Variants in ATXN7L1 observed in about 807,000 individuals in gnomAD.
ATXN7L1 encodes the protein ataxin-7-like protein 1.
In ATXN7L1, 15 loss-of-function variants were observed where a neutral mutation model predicts 70.8. The ratio of observed to expected loss-of-function variants is 0.21; its 90% CI spans 0.14 to 0.33. The LOEUF (loss-of-function observed/expected upper bound fraction) is 0.33, where lower values mean the gene tolerates loss of function less well. Ranked by LOEUF, ATXN7L1 falls within the 10% of genes least tolerant of loss-of-function variation. The pLI is 1.00. For missense variants in ATXN7L1, 975 were observed against 1,097.1 expected (o/e 0.89, Z 1.57); for synonymous variants, 440 against 445.1 (o/e 0.99, Z 0.14).
At chr7:105,795,670 A>G (rs1805883711) in intron 2 of ATXN7L1, among the ~76,000 whole-genome samples, 1 of 152,198 alleles carries the variant, frequency 6.6e-6, no homozygotes, top group African/African-American at 2.4e-5. Context: ...TGTACAGAGA[A>G]GCTGCAAGAA....
chr7:105,806,089 G>A (rs1048551881), intron 2 of ATXN7L1, among the ~76,000 whole-genome samples: 4 of 152,108 alleles, frequency 2.6e-5, no homozygotes, highest in African/African-American at 9.7e-5. Context: ...TGTGGGAAAT[G>A]ACTTAGAGCT....
At chr7:105,790,252 G>A (rs541740098) in intron 2 of ATXN7L1, among the ~76,000 whole-genome samples, 3 of 152,276 alleles carry the variant, frequency 2.0e-5, no homozygotes, top group Admixed American at 2.0e-4. Flanking sequence ...ATAACTCTGA[G>A]AACAGACTAA....
intron 3 of ATXN7L1, among the ~76,000 whole-genome samples, chr7:105,697,448 C>T (rs1023692687): frequency 3.3e-5 from 5 of 152,216 alleles, no homozygotes; most frequent in Non-Finnish European, 4.4e-5. Context: ...CTGTTCCGCC[C>T]GGCTCACCTG....
At chr7:105,845,485 G>GTTT (rs199502978) in intron 2 of ATXN7L1, among the ~76,000 whole-genome samples, 21,570 of 150,132 alleles carry the variant, frequency 0.14, 1,682 homozygotes, top group Middle Eastern at 0.22. Context: ...CTGATCTACA[G>GTTT]ATTCAACGTA....
At chr7:105,807,740 G>A (rs891150353) in intron 2 of ATXN7L1, among the ~76,000 whole-genome samples, 1 of 152,234 alleles carries the variant, frequency 6.6e-6, no homozygotes, top group Non-Finnish European at 1.5e-5. Flanking sequence ...CAGGTGAGCT[G>A]TTCCTGCCCA....
intron 4 of ATXN7L1, among the ~76,000 whole-genome samples, chr7:105,655,871 C>G (rs983565791): frequency 1.3e-5 from 2 of 152,176 alleles, no homozygotes; most frequent in African/African-American, 4.8e-5. Flanking sequence ...AGCCCTCCCC[C>G]ACCTGCTGCA....
At position 105,841,103 on chromosome 7, in the gene ATXN7L1, C is replaced by T. The variant is rs1346678302; in HGVS notation, c.250+34709G>A. Among the ~76,000 whole-genome samples, 5 of 152,306 alleles carry T rather than the reference C, an allele frequency of 3.3e-5. No homozygotes were observed. In the South Asian group the frequency reaches 8.3e-4, roughly 25 times the overall value. The stretch of plus-strand genomic sequence containing the variant: ...GACAGGAGCAACACTGAGCTTTGTG[C>T]GTGCTGCACAGTGTTTTTGTTTATA... On this transcript the variant is annotated intron_variant, in intron 2 of 11. Coordinates refer to ENST00000419735, the MANE Select transcript of ATXN7L1 (RefSeq NM_020725.2).
intron 7 of ATXN7L1, among the ~76,000 whole-genome samples, chr7:105,628,154 T>C (rs1721480): frequency 0.61 from 92,234 of 151,920 alleles, 29,552 homozygotes; most frequent in Non-Finnish European, 0.71. Context: ...GTCTTTACTT[T>C]TAAAAGATGC....
intron 3 of ATXN7L1, among the ~76,000 whole-genome samples, chr7:105,720,003 T>A (rs954594772): frequency 6.6e-6 from 1 of 152,200 alleles, no homozygotes; most frequent in Non-Finnish European, 1.5e-5. Context: ...TTTAAACGTC[T>A]CTGGCCCCTT....
At chr7:105,727,746 G>GTGTATATC (rs1333693053) in intron 3 of ATXN7L1, among the ~76,000 whole-genome samples, 1 of 55,356 alleles carries the variant, frequency 1.8e-5, no homozygotes, top group African/African-American at 9.8e-5. Context: ...GTGTATGTGT[G>GTGTATATC]TATATATATA....
At chr7:105,641,524 C>T (rs919220470) in intron 5 of ATXN7L1, among the ~76,000 whole-genome samples, 1 of 152,210 alleles carries the variant, frequency 6.6e-6, no homozygotes, top group Non-Finnish European at 1.5e-5. Context: ...GCAAAAAAAT[C>T]CCCAGACAAC....
At chr7:105,768,955 GCCTTTTCCCCCC>G (rs1408504975) in intron 3 of ATXN7L1, among the ~76,000 whole-genome samples, 3 of 152,186 alleles carry the variant, frequency 2.0e-5, no homozygotes, top group African/African-American at 4.8e-5. Flanking sequence ...TGCTCTGTAA[GCCTTTTCCCCCC>G]CTGGGGTCTC....
chr7:105,754,508 G>T (rs1480691766), intron 3 of ATXN7L1, among the ~76,000 whole-genome samples: 1 of 151,978 alleles, frequency 6.6e-6, no homozygotes. Flanking sequence ...GTAGTACAGT[G>T]GTGAGCGTAG....
At chr7:105,814,494 A>T (rs1211728009) in intron 2 of ATXN7L1, among the ~76,000 whole-genome samples, 1 of 152,122 alleles carries the variant, frequency 6.6e-6, no homozygotes, top group Non-Finnish European at 1.5e-5. Context: ...GCCCATATAC[A>T]TTAGCATAAA....
intron 2 of ATXN7L1, among the ~76,000 whole-genome samples, chr7:105,821,212 T>C (rs1047510886): frequency 4.6e-5 from 7 of 152,114 alleles, no homozygotes; most frequent in Non-Finnish European, 1.0e-4. Context: ...GCTAATTTTG[T>C]ATTTTTAGTA....
intron 2 of ATXN7L1, among the ~76,000 whole-genome samples, chr7:105,857,183 T>C (rs948704117): frequency 6.6e-6 from 1 of 152,196 alleles, no homozygotes; most frequent in Non-Finnish European, 1.5e-5. Context: ...CATTCTTTCA[T>C]TCATTTTTCA....
In ATXN7L1 at chr7:105,636,968, C is replaced by T. The variant is rs181982026; in HGVS notation, c.1202+1385G>A. The stretch of plus-strand genomic sequence containing the variant: ...TGAAGCCCCTTCCAGAAGTTTGGAA[C>T]GGAATTGTTGCCTCAACTCTAAAAC... On this transcript the variant is annotated intron_variant, in intron 7 of 11. Transcript: ENST00000419735. Among the ~76,000 whole-genome samples the T allele has an allele frequency of 5.3e-5, 8 of 152,310 alleles. No homozygotes were observed. In the South Asian group the frequency reaches 6.2e-4, roughly 12 times the overall value.
chr7:105,723,500 T>A (rs375503769), intron 3 of ATXN7L1, among the ~76,000 whole-genome samples: 1 of 152,134 alleles, frequency 6.6e-6, no homozygotes, highest in East Asian at 1.9e-4. Context: ...AGCTCTAAAA[T>A]CCCACAGTTT....
chr7:105,689,497 T>C (rs1790453726), intron 3 of ATXN7L1, among the ~76,000 whole-genome samples: 1 of 152,202 alleles, frequency 6.6e-6, no homozygotes, highest in Admixed American at 6.5e-5. Flanking sequence ...TCTTCACATC[T>C]TTCCATTCAC....
Sources: gnomAD v4.1 joint callset for allele counts (sites outside exome capture counted in the v4.1 genomes callset) on GRCh38, gnomAD v4.1.1 for gene constraint, MANE v1.5 for transcripts, NCBI Gene and HGNC (gene_info 2026-07-23, HGNC 2026-07-21) for gene names.